Variants in CD82 observed in about 807,000 individuals in gnomAD.
CD82 encodes CD82 molecule, also known as CD82 antigen.
CD82 carries 36 observed loss-of-function variants against 37.4 expected under a neutral mutation model. The observed-to-expected ratio is 0.96, with a 90% CI of 0.74 to 1.27. CD82 has a LOEUF of 1.27. Among genes scored for constraint, CD82 ranks in the 50% most tolerant of loss-of-function variants. The probability of loss-of-function intolerance (pLI) is 0.00; values close to 1 mark genes in which losing one functional copy is unlikely to be tolerated. For synonymous variants in CD82, 158 were observed against 137.4 expected (o/e 1.15, Z -1.05); for missense variants, 340 against 347.0 (o/e 0.98, Z 0.16).
intron 4 of CD82, among the ~76,000 whole-genome samples, chr11:44,603,920 T>C (rs1332188623): frequency 2.6e-5 from 4 of 152,152 alleles, no homozygotes; most frequent in Admixed American, 6.5e-5. Flanking sequence ...TTCTTTCCAA[T>C]CTTCAAATAA....
Position 44,618,149 on chromosome 11 carries a change from CT to C in CD82, c.439-12del, listed in dbSNP as rs747920287. ...GCCGTGAGCACAAGCAGTCTGTCCC[CT>C]GCCTTGCCCAGGTGAAGTGCTGCGG... On this transcript the variant is annotated splice_polypyrimidine_tract_variant and intron_variant, in intron 7 of 9. Coordinates refer to ENST00000227155, the MANE Select transcript of CD82 (RefSeq NM_002231.4). 1.2e-6 allele frequency: 2 copies of C among 1,613,352 alleles called. No individual in the cohort carries two copies. The highest frequency in any genetic ancestry group is 2.2e-5 in the South Asian group (2 of 91,048).
intron 1 of CD82, among the ~76,000 whole-genome samples, chr11:44,572,284 C>T (rs888901153): frequency 5.3e-5 from 8 of 152,178 alleles, no homozygotes; most frequent in Admixed American, 1.3e-4. Context: ...GTACCCGTTA[C>T]GAAATACAAT....
chr11:44,579,731 C>T (rs1219966090), intron 1 of CD82, among the ~76,000 whole-genome samples: 1 of 152,172 alleles, frequency 6.6e-6, no homozygotes, highest in Admixed American at 6.5e-5. Flanking sequence ...GCCTGGGAAC[C>T]AGGGGCCCTC....
intron 1 of CD82, among the ~76,000 whole-genome samples, chr11:44,579,565 G>T (rs1179881489): frequency 6.6e-6 from 1 of 152,154 alleles, no homozygotes; most frequent in Admixed American, 6.5e-5. Context: ...CTCACTCCCC[G>T]CTCTGTACCT....
At chr11:44,600,410 C>T (rs1853291338) in intron 4 of CD82, among the ~76,000 whole-genome samples, 180 bp downstream of exon 4, 2 of 152,210 alleles carry the variant, frequency 1.3e-5, no homozygotes, top group African/African-American at 2.4e-5. Flanking sequence ...CAGGGGTTTC[C>T]AAAAGGAATT....
intron 3 of CD82, 161 bp downstream of exon 3, chr11:44,594,886 TGAG>T: frequency 4.7e-6 from 3 of 636,182 alleles, no homozygotes; most frequent in East Asian, 5.5e-5. Context: ...GTTGGGGTGG[TGAG>T]GAGATTCCCT....
At chr11:44,610,836 T>TC (rs1853470480) in intron 6 of CD82, among the ~76,000 whole-genome samples, 1 of 152,170 alleles carries the variant, frequency 6.6e-6, no homozygotes, top group Admixed American at 6.5e-5. Flanking sequence ...AAATTCTTTT[T>TC]TTTTTCTTTT....
In CD82 at chr11:44,583,186, A is replaced by C. The variant is rs114241308; in HGVS notation, c.-102-4289A>C. On this transcript the variant is annotated intron_variant, in intron 1 of 9. Transcript: ENST00000227155. ...GCCCAAGCAGCTGGCTAAGAAGCCAAAAACAGTCAAGCAAGGGAGCTGTGG... is the reference window on the plus strand; with the variant it reads ...GCCCAAGCAGCTGGCTAAGAAGCCACAAACAGTCAAGCAAGGGAGCTGTGG... Among the ~76,000 whole-genome samples the C allele has an allele frequency of 6.0e-3, 909 of 152,352 alleles. 13 individuals are homozygous for C. The highest frequency in any genetic ancestry group is 0.021 in the African/African-American group (865 of 41,574).
At chr11:44,591,544 G>A (rs557154211) in intron 2 of CD82, among the ~76,000 whole-genome samples, 201 of 152,280 alleles carry the variant, frequency 1.3e-3, no homozygotes, top group Non-Finnish European at 2.4e-3. Flanking sequence ...AAACCCAGCC[G>A]TCCCCAAAGA....
chr11:44,591,288 G>A (rs1853142014), intron 2 of CD82, among the ~76,000 whole-genome samples: 1 of 152,110 alleles, frequency 6.6e-6, no homozygotes, highest in African/African-American at 2.4e-5. Context: ...TGAGACCTTG[G>A]GCAGGCTCCT....
At chr11:44,607,291 G>A (rs1473713475) in intron 6 of CD82, among the ~76,000 whole-genome samples, 19 of 152,224 alleles carry the variant, frequency 1.2e-4, no homozygotes, top group Admixed American at 1.0e-3. Context: ...GAGCTTCCTG[G>A]CAGTCAAGGC....
At position 44,583,235 on chromosome 11, in the gene CD82, G is replaced by T. The variant is rs148752250; in HGVS notation, c.-102-4240G>T. Among the ~76,000 whole-genome samples, 64 of 152,350 alleles carry T rather than the reference G, an allele frequency of 4.2e-4. 2 individuals are homozygous for T. The highest frequency in any genetic ancestry group is 1.5e-3 in the African/African-American group (61 of 41,590). On this transcript the variant is annotated intron_variant, in intron 1 of 9. Transcript: ENST00000227155. Reference sequence around the variant, plus strand: ...GGAAAGCAAGAGGTCAGAGGCTATGGCTCAGCCTCAGCTTGATTCTTTGGC... The same window carrying T: ...GGAAAGCAAGAGGTCAGAGGCTATGTCTCAGCCTCAGCTTGATTCTTTGGC...
intron 6 of CD82, chr11:44,606,762 A>C (rs565716764): frequency 6.6e-6 from 1 of 152,424 alleles, no homozygotes; most frequent in African/African-American, 2.4e-5. Context: ...ATGGAGAAGC[A>C]GATGCTCTGA....
chr11:44,604,771 A>T, intron 4 of CD82: 1 of 450,100 alleles, frequency 2.2e-6, no homozygotes, highest in South Asian at 2.1e-5. Flanking sequence ...AAGAAGAATC[A>T]GTGAAATGTA....
chr11:44,579,847 C>A (rs1048416347), intron 1 of CD82, among the ~76,000 whole-genome samples: 2 of 152,284 alleles, frequency 1.3e-5, no homozygotes. Flanking sequence ...GCTGGGCTCC[C>A]GTCATGGAGA....
At chr11:44,602,421 G>A (rs1853320763) in intron 4 of CD82, among the ~76,000 whole-genome samples, 1 of 152,172 alleles carries the variant, frequency 6.6e-6, no homozygotes, top group African/African-American at 2.4e-5. Context: ...AAGAGTTTGG[G>A]ACAGCCCCCA....
rs939311128 is a variant in CD82, at chr11:44,604,669, C to A, written c.137-389C>A. 7.5e-5 allele frequency: 23 copies of A among 305,922 alleles called. No individual in the cohort carries two copies. The Admixed American group carries it at 1.1e-3, about 15-fold the overall frequency. The allele number at this position is 305,922 out of a possible 1,614,324, so 19.0% of individuals were successfully genotyped here. ...GCACAGCACCTCACTGCGAGAGGCG[C>A]TGTTCGAGCTGGGGGTTCCCCAGGA... On this transcript the variant is annotated intron_variant, in intron 4 of 9. Coordinates refer to ENST00000227155, the MANE Select transcript of CD82 (RefSeq NM_002231.4).
chr11:44,608,575 G>C (rs1171713679), intron 6 of CD82, among the ~76,000 whole-genome samples: 1 of 152,234 alleles, frequency 6.6e-6, no homozygotes, highest in Admixed American at 6.5e-5. Flanking sequence ...CTGTGCCTCA[G>C]TTTCCACATT....
At chr11:44,618,561 T>C (rs1266114862) in intron 8 of CD82, 79 bp from the exon 9 acceptor site, 2 of 1,279,228 alleles carry the variant, frequency 1.6e-6, no homozygotes, top group African/African-American at 1.5e-5. Flanking sequence ...GGGCTGGGAC[T>C]GGGGGGCTCT....
Sources: gnomAD v4.1 joint callset for allele counts (sites outside exome capture counted in the v4.1 genomes callset) on GRCh38, gnomAD v4.1.1 for gene constraint, MANE v1.5 for transcripts, NCBI Gene and HGNC (gene_info 2026-07-23, HGNC 2026-07-21) for gene names.